The following CACNA1D variants were observed in gnomAD, a reference collection of about 807,000 sequenced individuals.
CACNA1D encodes the protein voltage-dependent L-type calcium channel subunit alpha-1D.
CACNA1D carries 55 observed loss-of-function variants against 257.1 expected under a neutral mutation model. That is an observed-to-expected ratio of 0.21 (90% CI 0.17 to 0.27). CACNA1D has a LOEUF of 0.27. Ranked by LOEUF, CACNA1D falls within the 10% of genes least tolerant of loss-of-function variation. CACNA1D has a pLI of 1.00. For missense variants in CACNA1D, 1,876 were observed against 2,784.0 expected, an observed-to-expected ratio of 0.67 and a Z score of 7.34; for synonymous variants, 980 against 1,014.9, an observed-to-expected ratio of 0.97 and a Z score of 0.65.
chr3:53,574,077 A>G (rs1396013908), intron 3 of CACNA1D, among the ~76,000 whole-genome samples: 1 of 152,168 alleles, frequency 6.6e-6, no homozygotes, highest in Non-Finnish European at 1.5e-5. Flanking sequence ...AGGAAGGGCA[A>G]GAAGATGAGT....
At chr3:53,787,076 C>G (rs780483310) in intron 40 of CACNA1D, 124 bp downstream of exon 40, 1 of 962,142 alleles carries the variant, frequency 1.0e-6, no homozygotes, top group Non-Finnish European at 1.6e-6. Context: ...AACTGAGATA[C>G]TACACACTCC....
chr3:53,581,563 C>T (rs936401099), intron 3 of CACNA1D, among the ~76,000 whole-genome samples: 1 of 152,190 alleles, frequency 6.6e-6, no homozygotes, highest in African/African-American at 2.4e-5. Flanking sequence ...CTGTTACTTT[C>T]TCAGGGCCTA....
intron 3 of CACNA1D, among the ~76,000 whole-genome samples, chr3:53,533,549 G>A (rs933792399): frequency 6.6e-6 from 1 of 152,210 alleles, no homozygotes; most frequent in Admixed American, 6.5e-5. Context: ...ATAGAACAGT[G>A]CTGGTGGGTA....
intron 3 of CACNA1D, among the ~76,000 whole-genome samples, chr3:53,510,400 A>G (rs1361857192): frequency 6.6e-6 from 1 of 152,210 alleles, no homozygotes; most frequent in Admixed American, 6.5e-5. Flanking sequence ...AAATCTAACA[A>G]CTTCATAGTT....
At position 53,616,795 on chromosome 3, in the gene CACNA1D, C is replaced by CT. The variant is rs1258602544; in HGVS notation, c.484-33973dup. Reference sequence around the variant, plus strand: ...TGCCAGCTTTGCCTTGCCTTTTTTTCTTTTTTTTTTTAAATGTGCTCCCTT... The same window carrying CT: ...TGCCAGCTTTGCCTTGCCTTTTTTTCTTTTTTTTTTTTAAATGTGCTCCCTT... On this transcript the variant is annotated intron_variant, in intron 3 of 47. Coordinates refer to ENST00000350061, the MANE Select transcript of CACNA1D (RefSeq NM_001128840.3). 4.8e-3 allele frequency among the ~76,000 whole-genome samples: 702 copies of CT among 146,758 alleles called. 9 individuals are homozygous for CT. Among genetic ancestry groups the CT allele is most frequent in the African/African-American group, 0.015 (601 of 40,132 alleles).
At chr3:53,718,727 G>C in intron 10 of CACNA1D, 1 of 1,557,118 alleles carries the variant, frequency 6.4e-7, no homozygotes, top group South Asian at 1.2e-5. Context: ...GGCCCTCTGG[G>C]TGTCGGCGGT....
At chr3:53,747,860 CTT>C (rs1269603494) in intron 26 of CACNA1D, among the ~76,000 whole-genome samples, 3 of 152,196 alleles carry the variant, frequency 2.0e-5, no homozygotes, top group African/African-American at 4.8e-5. Flanking sequence ...TATGCCATCT[CTT>C]TTACTGAGCA....
At chr3:53,617,117 C>A (rs2093645742) in intron 3 of CACNA1D, among the ~76,000 whole-genome samples, 1 of 152,180 alleles carries the variant, frequency 6.6e-6, no homozygotes, top group East Asian at 1.9e-4. Flanking sequence ...GTCTAGCCCT[C>A]TATGTTGTCA....
chr3:53,788,620 C>T lies in CACNA1D; in HGVS notation c.4923+1668C>T, dbSNP rs183107642. On this transcript the variant is annotated intron_variant, in intron 40 of 47. Coordinates refer to ENST00000350061, the MANE Select transcript of CACNA1D (RefSeq NM_001128840.3). The stretch of plus-strand genomic sequence containing the variant: ...AGAGGGAGTGATGAACATGCTTCTG[C>T]AGGCTTGTCCTTAAAGGAGTCCCCT... Among the ~76,000 whole-genome samples, 21 of 152,304 alleles carry T rather than the reference C, an allele frequency of 1.4e-4. No individual in the cohort carries two copies. The East Asian group carries it at 4.1e-3, about 29-fold the overall frequency.
chr3:53,509,286 T>C (rs1358494921), intron 3 of CACNA1D, among the ~76,000 whole-genome samples: 2 of 151,728 alleles, frequency 1.3e-5, no homozygotes, highest in African/African-American at 2.4e-5. Flanking sequence ...CCTCTGTGTG[T>C]GTGTGTGTGT....
At chr3:53,649,537 C>G (rs1008159947) in intron 3 of CACNA1D, among the ~76,000 whole-genome samples, 5 of 152,084 alleles carry the variant, frequency 3.3e-5, no homozygotes, top group African/African-American at 7.2e-5. Flanking sequence ...ACCTCCCCCC[C>G]ACACCAACAG....
At chr3:53,690,185 G>T (rs1387279319) in intron 8 of CACNA1D, among the ~76,000 whole-genome samples, 1 of 152,178 alleles carries the variant, frequency 6.6e-6, no homozygotes, top group African/African-American at 2.4e-5. Context: ...TTTCTCGTCA[G>T]TTGGAAGCTG....
intron 3 of CACNA1D, among the ~76,000 whole-genome samples, chr3:53,631,527 ACTT>A (rs2093822672): frequency 6.6e-6 from 1 of 152,202 alleles, no homozygotes; most frequent in South Asian, 2.1e-4. Flanking sequence ...GTTGGAATCA[ACTT>A]CTTCCAAACT....
intron 3 of CACNA1D, among the ~76,000 whole-genome samples, chr3:53,510,475 G>A (rs867110447): frequency 6.6e-6 from 1 of 152,292 alleles, no homozygotes. Flanking sequence ...TGAACATTTA[G>A]GGTAATTCCA....
At chr3:53,745,923 GA>G in intron 25 of CACNA1D, 48 bp downstream of exon 25, 1 of 1,425,070 alleles carries the variant, frequency 7.0e-7, no homozygotes, top group Non-Finnish European at 9.9e-7. Flanking sequence ...GCAAATAGCA[GA>G]CTTCAAGGAT....
chr3:53,767,493 T>C (rs2095340014), intron 30 of CACNA1D, among the ~76,000 whole-genome samples: 1 of 147,780 alleles, frequency 6.8e-6, no homozygotes. Flanking sequence ...TGATATCCTG[T>C]AGGCAGAGGT....
chr3:53,791,212 G>T (rs374866219), intron 40 of CACNA1D: 1 of 575,746 alleles, frequency 1.7e-6, no homozygotes. Flanking sequence ...GCTCATCTGC[G>T]GAGCCAGGGC....
At chr3:53,544,174 TCTAA>T (rs1354314103) in intron 3 of CACNA1D, among the ~76,000 whole-genome samples, 1 of 152,034 alleles carries the variant, frequency 6.6e-6, no homozygotes, top group African/African-American at 2.4e-5. Context: ...CATGCTGTGG[TCTAA>T]CTCAGAGAGG....
At position 53,495,095 on chromosome 3, in the gene CACNA1D, C is replaced by A; in HGVS notation, c.-72C>A. 2.7e-6 allele frequency: 3 copies of A among 1,130,162 alleles called. No homozygotes were observed. The highest frequency in any genetic ancestry group is 1.5e-5 in the African/African-American group (1 of 64,682). The allele number at this position is 1,130,162 out of a possible 1,614,324, so 70.0% of individuals were successfully genotyped here. ...GCTCCTACCTCTTGGTGATCCCCTT[C>A]CCCATTCCGCCCCCGCCTCAACGCC... is the stretch of plus-strand genomic sequence containing the variant. On this transcript the variant is annotated 5_prime_UTR_variant, in exon 1 of 48. Transcript: ENST00000350061. This position sits in a 1 kb window ranked among gnomAD's most constrained non-coding sequence, Gnocchi z 5.1.
Sources: allele counts gnomAD v4.1 joint callset (sites outside exome capture counted in the v4.1 genomes callset), GRCh38; gene constraint gnomAD v4.1.1; non-coding constraint Gnocchi (gnomAD v3.1); transcripts MANE v1.5; gene names NCBI Gene and HGNC (gene_info 2026-07-23, HGNC 2026-07-21).